The following CADM2 variants were observed in gnomAD, a reference collection of about 807,000 sequenced individuals.
The protein encoded by CADM2 is immunoglobulin superfamily member 4D.
In CADM2, 12 loss-of-function variants were observed where a neutral mutation model predicts 49.8. That is an observed-to-expected ratio of 0.24 (90% CI 0.15 to 0.39). CADM2 has a LOEUF of 0.39. Among genes scored for constraint, CADM2 ranks in the 10% least tolerant of loss-of-function variants. The pLI, the probability that CADM2 is intolerant of heterozygous loss-of-function variation, is 1.00. For missense variants in CADM2, 378 were observed against 492.3 expected, an observed-to-expected ratio of 0.77 and a Z score of 2.20; for synonymous variants, 214 against 175.4, an observed-to-expected ratio of 1.22 and a Z score of -1.74.
At chr3:85,481,319 A>T (rs1049055307) in intron 1 of CADM2, among the ~76,000 whole-genome samples, 1 of 151,162 alleles carries the variant, frequency 6.6e-6, no homozygotes, top group Non-Finnish European at 1.5e-5. Context: ...AATCTGTATT[A>T]AAAGAGTTAA....
intron 1 of CADM2, among the ~76,000 whole-genome samples, chr3:85,693,094 C>A (rs2066435837): frequency 6.6e-6 from 1 of 151,736 alleles, no homozygotes; most frequent in African/African-American, 2.4e-5. Flanking sequence ...ACTAAAAATA[C>A]AAAAATTAGC....
intron 1 of CADM2, among the ~76,000 whole-genome samples, chr3:85,201,892 C>T (rs1240556148): frequency 1.3e-5 from 2 of 151,856 alleles, no homozygotes; most frequent in Non-Finnish European, 2.9e-5. Context: ...ACCATCCTGG[C>T]CAACATGGTG....
intron 8 of CADM2, among the ~76,000 whole-genome samples, chr3:86,003,798 G>T (rs568555405): frequency 6.6e-6 from 1 of 152,224 alleles, no homozygotes; most frequent in South Asian, 2.1e-4. Flanking sequence ...TAAGTGAGTG[G>T]AAACTGTGCC....
At chr3:85,371,324 C>G (rs1289963811) in intron 1 of CADM2, among the ~76,000 whole-genome samples, 2 of 152,014 alleles carry the variant, frequency 1.3e-5, no homozygotes, top group Non-Finnish European at 2.9e-5. Context: ...TACAGAGGTA[C>G]AATTTTTAAT....
At chr3:85,775,607 CT>C (rs2070323131) in intron 2 of CADM2, among the ~76,000 whole-genome samples, 1 of 151,734 alleles carries the variant, frequency 6.6e-6, no homozygotes, top group Non-Finnish European at 1.5e-5. Flanking sequence ...GCTGAATTTT[CT>C]TGTTTTTCTT....
intron 8 of CADM2, among the ~76,000 whole-genome samples, chr3:85,978,509 G>A (rs968722020): frequency 6.6e-6 from 1 of 151,390 alleles, no homozygotes; most frequent in Non-Finnish European, 1.5e-5. Flanking sequence ...AAGACTCCTA[G>A]GTACTGCAAA....
chr3:85,395,892 T>C (rs1054276415), intron 1 of CADM2, among the ~76,000 whole-genome samples: 4 of 149,876 alleles, frequency 2.7e-5, no homozygotes, highest in South Asian at 4.2e-4. Flanking sequence ...CCGAGGATAA[T>C]AAATGTTAAT....
intron 3 of CADM2, among the ~76,000 whole-genome samples, chr3:85,877,684 G>GTTTTTTTTTTTTTTTTTTTTTGT (rs368101272): frequency 5.1e-4 from 57 of 111,966 alleles, no homozygotes; most frequent in East Asian, 8.1e-4. Flanking sequence ...TTTTTCTTCT[G>GTTTTTTTTTTTTTTTTTTTTTGT]TTTTTTTTTT....
intron 1 of CADM2, among the ~76,000 whole-genome samples, chr3:85,708,900 G>T (rs2067030491): frequency 6.6e-6 from 1 of 151,500 alleles, no homozygotes; most frequent in Admixed American, 6.6e-5. Context: ...CAGATTATGG[G>T]TTTGTTAAAC....
intron 1 of CADM2, among the ~76,000 whole-genome samples, chr3:85,506,091 G>C (rs530075069): frequency 6.6e-6 from 1 of 152,230 alleles, no homozygotes; most frequent in East Asian, 1.9e-4. Flanking sequence ...ATCAGCACCA[G>C]GGTGTACAGA....
intron 1 of CADM2, among the ~76,000 whole-genome samples, chr3:85,509,927 A>T (rs1223133904): frequency 2.0e-5 from 3 of 152,080 alleles, no homozygotes; most frequent in Non-Finnish European, 2.9e-5. Context: ...AAAATCTCAC[A>T]GAGTGCCAAT....
chr3:85,698,286 C>T (rs57104325), intron 1 of CADM2, among the ~76,000 whole-genome samples: 8 of 152,132 alleles, frequency 5.3e-5, no homozygotes, highest in East Asian at 1.9e-4. Context: ...ACCTCTACAG[C>T]GAGATAACAT....
chr3:86,005,915 C>T (rs1381486356), intron 8 of CADM2, among the ~76,000 whole-genome samples: 1 of 152,106 alleles, frequency 6.6e-6, no homozygotes, highest in Non-Finnish European at 1.5e-5. Context: ...TCTCTATCTC[C>T]ATGAGTTCAA....
intron 1 of CADM2, among the ~76,000 whole-genome samples, chr3:85,000,392 C>T (rs1022283272): frequency 1.7e-4 from 26 of 151,828 alleles, no homozygotes; most frequent in African/African-American, 6.0e-4. Context: ...CCTCCCAAAG[C>T]ACTGCTTCTA....
At chr3:85,532,190 A>ATAC (rs910032794) in intron 1 of CADM2, among the ~76,000 whole-genome samples, 11 of 104,566 alleles carry the variant, frequency 1.1e-4, no homozygotes, top group African/African-American at 2.6e-4. Flanking sequence ...AATAATAATA[A>ATAC]TAATAAAAAA....
At chr3:86,032,947 C>T (rs1208082710) in intron 8 of CADM2, among the ~76,000 whole-genome samples, 2 of 151,656 alleles carry the variant, frequency 1.3e-5, no homozygotes, top group Non-Finnish European at 2.9e-5. Flanking sequence ...TCTTCATTTC[C>T]TTTGTATTTT....
intron 1 of CADM2, among the ~76,000 whole-genome samples, chr3:85,062,010 A>G (rs920747552): frequency 6.6e-6 from 1 of 151,380 alleles, no homozygotes; most frequent in African/African-American, 2.4e-5. Context: ...ACATACACAC[A>G]TTCTGTCTCT....
chr3:85,968,907 A>G (rs1020654771), intron 8 of CADM2, among the ~76,000 whole-genome samples: 4 of 151,856 alleles, frequency 2.6e-5, no homozygotes, highest in Admixed American at 2.0e-4. Context: ...AGCTTTTTAC[A>G]GTATAGTTTT....
chr3:85,000,980 C>T (rs986048999), intron 1 of CADM2, among the ~76,000 whole-genome samples: 25 of 152,084 alleles, frequency 1.6e-4, no homozygotes, highest in African/African-American at 5.8e-4. Context: ...ATAATCAATG[C>T]ATTTCTCTTT....
Sources: allele counts gnomAD v4.1 joint callset (sites outside exome capture counted in the v4.1 genomes callset), GRCh38; gene constraint gnomAD v4.1.1; transcripts MANE v1.5; gene names NCBI Gene and HGNC (gene_info 2026-07-23, HGNC 2026-07-21).